VAV3: variants seen among roughly 807,000 people sequenced by gnomAD.
VAV3 encodes the protein vav guanine nucleotide exchange factor 3.
VAV3 carries 94 observed loss-of-function variants against 131.2 expected under a neutral mutation model. That is an observed-to-expected ratio of 0.72 (90% CI 0.61 to 0.85). VAV3 has a LOEUF of 0.85. Ranked by LOEUF, VAV3 falls within the 40% of genes least tolerant of loss-of-function variation. The pLI, the probability that VAV3 is intolerant of heterozygous loss-of-function variation, is 0.00. For synonymous variants in VAV3, 349 were observed against 342.0 expected (o/e 1.02, Z -0.22); for missense variants, 939 against 1,002.7 (o/e 0.94, Z 0.86).
chr1:107,574,271 T>C (rs1211127184), intron 25 of VAV3, 73 bp from the exon 26 acceptor site: 6 of 1,538,278 alleles, frequency 3.9e-6, no homozygotes, highest in South Asian at 1.2e-5. Context: ...ATCAGATGAA[T>C]GTTATTGATG....
intron 2 of VAV3, among the ~76,000 whole-genome samples, chr1:107,858,768 T>C (rs1365568155): frequency 6.6e-6 from 1 of 152,208 alleles, no homozygotes; most frequent in Non-Finnish European, 1.5e-5. Context: ...ACTGATGCTC[T>C]AGATGAGAGT....
At chr1:107,733,327 C>T (rs1662378723) in intron 15 of VAV3, among the ~76,000 whole-genome samples, 1 of 152,222 alleles carries the variant, frequency 6.6e-6, no homozygotes, top group Non-Finnish European at 1.5e-5. Context: ...CAGAGGGCCT[C>T]TTCTCCTCCA....
intron 3 of VAV3, among the ~76,000 whole-genome samples, chr1:107,779,024 ATTTC>A (rs1172099866): frequency 6.6e-6 from 1 of 152,148 alleles, no homozygotes; most frequent in Non-Finnish European, 1.5e-5. Context: ...TTGTTTGATT[ATTTC>A]TTAAACTCCT....
At chr1:107,735,639 C>T (rs1222545858) in intron 15 of VAV3, among the ~76,000 whole-genome samples, 1 of 152,158 alleles carries the variant, frequency 6.6e-6, no homozygotes, top group Non-Finnish European at 1.5e-5. Context: ...CACATACACT[C>T]TCCCAAGACT....
intron 19 of VAV3, among the ~76,000 whole-genome samples, chr1:107,678,967 C>T (rs1354447250): frequency 6.6e-6 from 1 of 152,006 alleles, no homozygotes; most frequent in African/African-American, 2.4e-5. Flanking sequence ...TTTATGCAAT[C>T]AGAACTTTGT....
chr1:107,959,754 C>T (rs778469526), intron 1 of VAV3, among the ~76,000 whole-genome samples: 2 of 152,090 alleles, frequency 1.3e-5, no homozygotes, highest in Admixed American at 6.5e-5. Flanking sequence ...AAACTTTATA[C>T]CTACATCTCC....
chr1:107,628,280 A>C (rs1557715224), intron 20 of VAV3, among the ~76,000 whole-genome samples: 1 of 152,204 alleles, frequency 6.6e-6, no homozygotes, highest in Non-Finnish European at 1.5e-5. Flanking sequence ...ATCTGTAAAA[A>C]AAAGCAAGTC....
chr1:107,588,011 T>C (rs919024017), intron 25 of VAV3, among the ~76,000 whole-genome samples: 2 of 152,320 alleles, frequency 1.3e-5, no homozygotes, highest in Non-Finnish European at 1.5e-5. Flanking sequence ...TTGAAACATT[T>C]AAAAGATAGC....
chr1:107,634,791 C>T (rs1463342669), intron 20 of VAV3, among the ~76,000 whole-genome samples: 2 of 151,812 alleles, frequency 1.3e-5, no homozygotes, highest in Admixed American at 6.6e-5. Flanking sequence ...AAACAAACAA[C>T]CCCATGAAAA....
intron 15 of VAV3, among the ~76,000 whole-genome samples, chr1:107,725,021 GGAGACAGTTATA>G (rs1448317715): frequency 6.6e-6 from 1 of 152,158 alleles, no homozygotes; most frequent in African/African-American, 2.4e-5. Flanking sequence ...TGAGAGACAG[GGAGACAGTTATA>G]GAGATGACCA....
intron 15 of VAV3, among the ~76,000 whole-genome samples, chr1:107,740,286 CAAA>C (rs11346449): frequency 8.0e-6 from 1 of 124,646 alleles, no homozygotes; most frequent in Non-Finnish European, 1.7e-5. Context: ...GACTCCATCT[CAAA>C]AAAAAAAAAA....
At chr1:107,774,913 C>CTT (rs375088872) in intron 4 of VAV3, among the ~76,000 whole-genome samples, 47,543 of 130,044 alleles carry the variant, frequency 0.37, 7,798 homozygotes, top group Middle Eastern at 0.41. Context: ...AATACATTTG[C>CTT]TTTTTTTTTT....
intron 4 of VAV3, 118 bp downstream of exon 4, chr1:107,777,113 A>T: frequency 1.1e-6 from 1 of 875,952 alleles, no homozygotes; most frequent in Non-Finnish European, 1.9e-6. Flanking sequence ...TTTAAGGTTA[A>T]TCAGTAATTA....
intron 11 of VAV3, among the ~76,000 whole-genome samples, chr1:107,756,399 C>G (rs751988020): frequency 6.6e-6 from 1 of 151,978 alleles, no homozygotes; most frequent in African/African-American, 2.4e-5. Context: ...GATCCATAAA[C>G]GACTTCTTTA....
intron 1 of VAV3, among the ~76,000 whole-genome samples, chr1:107,923,475 G>A (rs539116590): frequency 1.3e-5 from 2 of 151,932 alleles, no homozygotes; most frequent in African/African-American, 4.8e-5. Flanking sequence ...GTATTAGTCC[G>A]TTCTCACACT....
At chr1:107,598,754 A>G (rs1208306735) in intron 24 of VAV3, among the ~76,000 whole-genome samples, 1 of 152,010 alleles carries the variant, frequency 6.6e-6, no homozygotes, top group South Asian at 2.1e-4. Flanking sequence ...CAATATTGCT[A>G]TTCATTTTTT....
chr1:107,922,628 T>G (rs1420382385), intron 1 of VAV3, among the ~76,000 whole-genome samples: 2 of 152,114 alleles, frequency 1.3e-5, no homozygotes, highest in Admixed American at 6.5e-5. Flanking sequence ...AACAGAGGTG[T>G]GACTCATGTA....
intron 2 of VAV3, among the ~76,000 whole-genome samples, chr1:107,805,147 G>A (rs1257210901): frequency 6.6e-6 from 1 of 152,012 alleles, no homozygotes; most frequent in Non-Finnish European, 1.5e-5. Context: ...AAGCCTTATT[G>A]GGGTTGAATC....
At chr1:107,735,998 G>T (rs1209341461) in intron 15 of VAV3, among the ~76,000 whole-genome samples, 1 of 151,968 alleles carries the variant, frequency 6.6e-6, no homozygotes, top group African/African-American at 2.4e-5. Context: ...ACATCAAAAA[G>T]CTTATCCACC....
Sources: gnomAD v4.1 joint callset for allele counts (sites outside exome capture counted in the v4.1 genomes callset) on GRCh38, gnomAD v4.1.1 for gene constraint, MANE v1.5 for transcripts, NCBI Gene and HGNC (gene_info 2026-07-23, HGNC 2026-07-21) for gene names.